FBN1: variants seen among roughly 807,000 people sequenced by gnomAD.
FBN1 encodes fibrillin 1, also known as fibrillin-1.
A neutral mutation model predicts 365.1 loss-of-function variants in FBN1; 29 were observed. The observed-to-expected ratio is 0.08, with a 90% CI of 0.06 to 0.11. The LOEUF is 0.11. FBN1 is among the 10% of genes least tolerant of loss of function. The pLI, the probability that FBN1 is intolerant of heterozygous loss-of-function variation, is 1.00. For missense variants in FBN1, 2,476 were observed against 3,703.2 expected (o/e 0.67, Z 8.60); for synonymous variants, 1,210 against 1,270.5 (o/e 0.95, Z 1.01).
At chr15:48,508,935 T>C (rs1228908733) in intron 14 of FBN1, among the ~76,000 whole-genome samples, 1 of 152,214 alleles carries the variant, frequency 6.6e-6, no homozygotes, top group Admixed American at 6.5e-5. Context: ...TAGGGCTAGA[T>C]GTATAGGTAT....
At chr15:48,612,200 G>T (rs531270525) in intron 3 of FBN1, among the ~76,000 whole-genome samples, 18 of 152,288 alleles carry the variant, frequency 1.2e-4, no homozygotes, top group African/African-American at 4.1e-4. Context: ...AACTTTTTCA[G>T]GTCATGAAGC....
At position 48,526,153 on chromosome 15, in the gene FBN1, G is replaced by A. The variant is rs1555400999; in HGVS notation, c.965C>T (p.Ser322Phe). Residue 322 changes from serine to phenylalanine, a missense_variant, in exon 9 of 66, where the codon TCT becomes TTT. Transcript: ENST00000316623. Reference protein sequence around the residue: ...FCKCPPGFYTSPDGTRCIDVR... With the variant: ...FCKCPPGFYTFPDGTRCIDVR... ...ACCTATGCATCTGGTACCATCTGGA[G>A]AGGTGTAAAAACCAGGGGGACATTT... 1.2e-6 allele frequency: 2 copies of A among 1,614,184 alleles called. No individual in the cohort carries two copies. The highest frequency in any genetic ancestry group is 1.7e-5 in the Admixed American group (1 of 60,028).
At position 48,423,802 on chromosome 15, in the gene FBN1, G is replaced by C. The variant is rs141408019; in HGVS notation, c.7453+1567C>G. 2.7e-3 allele frequency among the ~76,000 whole-genome samples: 408 copies of C among 152,314 alleles called. 1 individual carries two copies. The highest frequency in any genetic ancestry group is 4.3e-3 in the Admixed American group (66 of 15,296). ...TTTGATATTTAGTTATATATACCAA[G>C]TAAGTGGAAGAATTTGAACCTTATG... On this transcript the variant is annotated intron_variant, in intron 60 of 65. Transcript: ENST00000316623.
chr15:48,628,332 C>T (rs912029351), intron 2 of FBN1, among the ~76,000 whole-genome samples: 4 of 151,640 alleles, frequency 2.6e-5, no homozygotes, highest in Non-Finnish European at 4.4e-5. Context: ...CCTGAGAGAG[C>T]AATGCCGAAA....
intron 18 of FBN1, among the ~76,000 whole-genome samples, chr15:48,497,735 C>T (rs1278949977): frequency 6.6e-6 from 1 of 152,178 alleles, no homozygotes. Context: ...CAACTGGTCT[C>T]CCTACCACCA....
chr15:48,581,084 CAA>C (rs1318102230), intron 6 of FBN1, among the ~76,000 whole-genome samples: 1 of 152,038 alleles, frequency 6.6e-6, no homozygotes, highest in Non-Finnish European at 1.5e-5. Flanking sequence ...TGTCCTATTG[CAA>C]AAAGTGATCA....
chr15:48,551,739 T>G (rs2044143908), intron 6 of FBN1, among the ~76,000 whole-genome samples: 1 of 152,180 alleles, frequency 6.6e-6, no homozygotes, highest in Non-Finnish European at 1.5e-5. Context: ...TCTCATCATT[T>G]AGTTCCCACT....
At chr15:48,461,583 T>G (rs977849600) in intron 42 of FBN1, among the ~76,000 whole-genome samples, 1 of 152,136 alleles carries the variant, frequency 6.6e-6, no homozygotes, top group Non-Finnish European at 1.5e-5. Context: ...ATACATAGAC[T>G]TTTACATATA....
At chr15:48,493,446 G>C (rs1192378578) in intron 23 of FBN1, among the ~76,000 whole-genome samples, 1 of 152,198 alleles carries the variant, frequency 6.6e-6, no homozygotes, top group African/African-American at 2.4e-5. Context: ...GAGATCAATG[G>C]GGAGAGGGTG....
chr15:48,619,894 G>A (rs960075098), intron 2 of FBN1, among the ~76,000 whole-genome samples: 5 of 151,302 alleles, frequency 3.3e-5, no homozygotes, highest in African/African-American at 1.2e-4. Flanking sequence ...AAAAACAGGA[G>A]AAGAACTAAC....
intron 6 of FBN1, among the ~76,000 whole-genome samples, chr15:48,539,241 T>C (rs2044038007): frequency 6.6e-6 from 1 of 152,200 alleles, no homozygotes; most frequent in South Asian, 2.1e-4. Flanking sequence ...GAACCACCTC[T>C]GTTCAATGGT....
chr15:48,549,543 A>G (rs2044124757), intron 6 of FBN1, among the ~76,000 whole-genome samples: 1 of 152,200 alleles, frequency 6.6e-6, no homozygotes, highest in South Asian at 2.1e-4. Context: ...GGATTTCCTT[A>G]CAGTAAATCC....
At position 48,489,938 on chromosome 15, in the gene FBN1, T is replaced by C. The variant is rs765549411; in HGVS notation, c.2995A>G (p.Arg999Gly). 6 of 1,614,042 alleles carry C rather than the reference T, an allele frequency of 3.7e-6. No individual in the cohort carries two copies. In the African/African-American group the frequency reaches 8.0e-5, roughly 22 times the overall value. The change falls in exon 25 of 66, where the codon AGA (arginine) becomes GGA (glycine). Residue 999 changes from arginine (R) to glycine (G), a missense_variant. This residue lies in a region of FBN1 where 1,780 missense variants were observed against 2,840.8 expected (regional missense o/e 0.63). Coordinates refer to ENST00000316623, the MANE Select transcript of FBN1 (RefSeq NM_000138.5). Reference protein sequence around the residue: ...GTEECEECPMRNTPEYEELCP... With the variant: ...GTEECEECPMGNTPEYEELCP... ...AGCTCCTCGTACTCAGGAGTATTTCTCATGGGACACTCCTCGCATTCCTCA... is the reference window on the plus strand; with the variant it reads ...AGCTCCTCGTACTCAGGAGTATTTCCCATGGGACACTCCTCGCATTCCTCA...
In FBN1 at chr15:48,448,739, G is replaced by GA. The variant is rs55649234; in HGVS notation, c.5671+28dup. On this transcript the variant is annotated intron_variant, in intron 46 of 65. Transcript: ENST00000316623. ...TCAAATGAAGCTTTCAACAGCATAT[G>GA]AAAAAAATAATAATAATTGCATACT... The GA allele has an allele frequency of 0.022, 34,948 of 1,604,668 alleles. 720 individuals carry two copies. Among genetic ancestry groups the GA allele is most frequent in the East Asian group, 0.11 (4,746 of 44,518 alleles).
intron 7 of FBN1, among the ~76,000 whole-genome samples, chr15:48,534,721 G>A (rs1397562739): frequency 2.6e-5 from 4 of 152,184 alleles, no homozygotes; most frequent in East Asian, 1.9e-4. Context: ...ATGTTTTTGC[G>A]CAAATGAAGT....
At chr15:48,585,080 C>A (rs1306941779) in intron 6 of FBN1, among the ~76,000 whole-genome samples, 1 of 152,200 alleles carries the variant, frequency 6.6e-6, no homozygotes, top group East Asian at 1.9e-4. Context: ...ACAAATGGTT[C>A]ATGAAGAGCT....
At chr15:48,597,207 T>C (rs999973387) in intron 5 of FBN1, among the ~76,000 whole-genome samples, 1 of 152,174 alleles carries the variant, frequency 6.6e-6, no homozygotes, top group Admixed American at 6.5e-5. Flanking sequence ...TTCCATACAT[T>C]ACCCTATAGC....
At chr15:48,450,641 TTG>T (rs2043194364) in intron 45 of FBN1, among the ~76,000 whole-genome samples, 1 of 152,182 alleles carries the variant, frequency 6.6e-6, no homozygotes, top group African/African-American at 2.4e-5. Context: ...GGGGTTGCAT[TTG>T]TTCTAACTAT....
At chr15:48,573,950 G>A (rs917798254) in intron 6 of FBN1, among the ~76,000 whole-genome samples, 3 of 152,240 alleles carry the variant, frequency 2.0e-5, no homozygotes, top group African/African-American at 7.2e-5. Flanking sequence ...CAGCCTTGGT[G>A]CAGCCTTGCA....
Sources: gnomAD v4.1 joint callset for allele counts (sites outside exome capture counted in the v4.1 genomes callset) on GRCh38, gnomAD v4.1.1 for gene constraint, gnomAD v4.1.1 regional missense constraint, MANE v1.5 for transcripts, NCBI Gene and HGNC (gene_info 2026-07-23, HGNC 2026-07-21) for gene names.